OR5AN1: variants seen among roughly 807,000 people sequenced by gnomAD.
The protein encoded by OR5AN1 is olfactory receptor family 5 subfamily AN member 1, also known as olfactory receptor 5AN1.
For missense variants in OR5AN1, 476 were observed against 368.9 expected (o/e 1.29, Z -2.38); for synonymous variants, 167 against 131.8 (o/e 1.27, Z -1.83).
rs929902963 is a variant in OR5AN1, at chr11:59,370,220, C to T, written c.*4826C>T. The T allele has an allele frequency of 2.6e-5, 4 of 152,134 alleles. No homozygotes were observed. Among genetic ancestry groups the T allele is most frequent in the African/African-American group, 9.7e-5 (4 of 41,416 alleles). 9.4% of individuals were successfully genotyped at this position (152,134 alleles called of 1,614,324 possible). On this transcript the variant is annotated 3_prime_UTR_variant, in exon 2 of 2. Transcript: ENST00000641998. ...CACACAAACAAGTAAACATAATAAC[C>T]AGCTGACAGCACAATGACAGAATCA...
rs750154941 is a variant in OR5AN1 at position 59,364,875 on chromosome 11, C to T, written c.417C>T (p.Pro139=). 1.4e-5 allele frequency: 22 copies of T among 1,613,840 alleles called. No individual in the cohort carries two copies. Among genetic ancestry groups the T allele is most frequent in the Admixed American group, 1.7e-5 (1 of 59,998 alleles). The part of the protein sequence containing the change: ...NPLLYSSIMS[P]TLCVWMVLGA... The stretch of plus-strand genomic sequence containing the variant: ...TGCTCTATTCATCCATCATGTCACC[C>T]ACCCTCTGTGTTTGGATGGTACTGG... Residue 139 remains proline (P), a synonymous_variant, in exon 2 of 2, where the codon CCC becomes CCT. Coordinates refer to ENST00000641998, the MANE Select transcript of OR5AN1 (RefSeq NM_001004729.2).
intron 1 of OR5AN1, among the ~76,000 whole-genome samples, chr11:59,363,602 A>G (rs1857489017): frequency 6.6e-6 from 1 of 152,236 alleles, no homozygotes; most frequent in South Asian, 2.1e-4. Flanking sequence ...ATGTTATATT[A>G]AATACATTTT....
In OR5AN1 at chr11:59,364,972, T is replaced by A. The variant is rs762633727; in HGVS notation, c.514T>A (p.Ser172Thr). ...TTTGCTTCAACTCCACTTCTGTGGGTCTAATGTCATCAGACATTTCTTCTG... is the reference window on the plus strand; with the variant it reads ...TTTGCTTCAACTCCACTTCTGTGGGACTAATGTCATCAGACATTTCTTCTG... Reference protein sequence around the residue: ...GALLQLHFCGSNVIRHFFCDM... With the variant: ...GALLQLHFCGTNVIRHFFCDM... The change falls in exon 2 of 2, where the codon TCT (serine) becomes ACT (threonine). Residue 172 changes from serine (S) to threonine (T), a missense_variant. Transcript: ENST00000641998. The A allele has an allele frequency of 4.3e-6, 7 of 1,614,178 alleles. No homozygotes were observed. Among genetic ancestry groups the A allele is most frequent in the Middle Eastern group, 1.7e-4 (1 of 6,060 alleles).
intron 1 of OR5AN1, among the ~76,000 whole-genome samples, chr11:59,363,650 A>C (rs73480614): frequency 6.6e-6 from 1 of 152,232 alleles, no homozygotes; most frequent in Admixed American, 6.5e-5. Flanking sequence ...CAGGGAAAGC[A>C]ATTTTTCTAA....
At chr11:59,360,982 C>G (rs773836823) in intron 1 of OR5AN1, among the ~76,000 whole-genome samples, 1 of 152,162 alleles carries the variant, frequency 6.6e-6, no homozygotes, top group African/African-American at 2.4e-5. Flanking sequence ...ATTAAGTAAC[C>G]AAACGTCTCT....
chr11:59,359,959 C>T (rs189002856), intron 1 of OR5AN1: 5 of 152,290 alleles, frequency 3.3e-5, no homozygotes, highest in Non-Finnish European at 2.9e-5. Context: ...AATCTTTAAC[C>T]TATCTTTACA....
Position 59,365,499 on chromosome 11 carries a change from C to A in OR5AN1, c.*105C>A. Reference sequence around the variant, plus strand: ...ATAACAAAATTCATGCTGCCTACTGCCTTTGGACAAAGAAGGCTTGATTTG... The same window carrying A: ...ATAACAAAATTCATGCTGCCTACTGACTTTGGACAAAGAAGGCTTGATTTG... On this transcript the variant is annotated 3_prime_UTR_variant, in exon 2 of 2. Transcript: ENST00000641998. The A allele has an allele frequency of 1.4e-6, 1 of 700,674 alleles. No homozygotes were observed. Among genetic ancestry groups the A allele is most frequent in the Non-Finnish European group, 2.3e-6 (1 of 428,890 alleles). 43.4% of individuals were successfully genotyped at this position (700,674 alleles called of 1,614,324 possible).
At chr11:59,362,118 C>T (rs560698622) in intron 1 of OR5AN1, among the ~76,000 whole-genome samples, 1 of 152,156 alleles carries the variant, frequency 6.6e-6, no homozygotes, top group African/African-American at 2.4e-5. Context: ...ACCTTGTGCA[C>T]TCATCAGTGG....
intron 1 of OR5AN1, among the ~76,000 whole-genome samples, chr11:59,361,724 A>G (rs1464016917): frequency 1.3e-5 from 2 of 152,200 alleles, no homozygotes; most frequent in African/African-American, 4.8e-5. Flanking sequence ...ACAGCCTGCA[A>G]GTAAGATTCA....
chr11:59,362,721 A>G (rs1857477379), intron 1 of OR5AN1, among the ~76,000 whole-genome samples: 1 of 152,216 alleles, frequency 6.6e-6, no homozygotes, highest in South Asian at 2.1e-4. Flanking sequence ...AATGTACACT[A>G]TCTATGCATA....
Position 59,365,203 on chromosome 11 carries a change from GT to G in OR5AN1, c.748del (p.Ser250ProfsTer12). On this transcript the variant is annotated frameshift_variant, in exon 2 of 2. Transcript: ENST00000641998. LOFTEE classifies it low-confidence loss of function (END_TRUNC). ...CACCTGTGCTTCTCATCTAACAGCT[GT>G]TTCCCTCTTCTATACATCAGGAATC... ...FNTCASHLTA[V>X]SLFYTSGIFV... is the part of the protein sequence containing the mutation. 6.2e-7 allele frequency: 1 copy of G among 1,614,040 alleles called. No individual in the cohort carries two copies. The highest frequency in any genetic ancestry group is 8.5e-7 in the Non-Finnish European group (1 of 1,179,984).
rs1565053556 is a variant in OR5AN1, at chr11:59,365,233, G to T, written c.775G>T (p.Val259Phe). ...CCTCTTCTATACATCAGGAATCTTT[G>T]TCTATTTGAGTTCCAGCTCTGGAGG... ...VSLFYTSGIF[V>F]YLSSSSGGSS... Residue 259 changes from valine (V) to phenylalanine (F), a missense_variant, in exon 2 of 2, where the codon GTC (valine) becomes TTC (phenylalanine). Val to Phe is a conservative substitution (Grantham distance 50, BLOSUM62 -1). Coordinates refer to ENST00000641998, the MANE Select transcript of OR5AN1 (RefSeq NM_001004729.2). 2 of 1,614,030 alleles carry T rather than the reference G, an allele frequency of 1.2e-6. No individual in the cohort carries two copies. The highest frequency in any genetic ancestry group is 8.5e-7 in the Non-Finnish European group (1 of 1,179,980).
Position 59,368,999 on chromosome 11 carries a change from A to AC in OR5AN1, c.*3605_*3606insC, listed in dbSNP as rs1857564535. ...ATCACACCTCAAAACTTCAACACCA[A>AC]AAATATCTCACTAATATATCCCCCT... On this transcript the variant is annotated 3_prime_UTR_variant, in exon 2 of 2. Coordinates refer to ENST00000641998, the MANE Select transcript of OR5AN1 (RefSeq NM_001004729.2). 1 of 152,192 alleles carries AC rather than the reference A, an allele frequency of 6.6e-6. No homozygotes were observed. The highest frequency in any genetic ancestry group is 2.4e-5 in the African/African-American group (1 of 41,422). The allele number at this position is 152,192 out of a possible 1,614,324, so 9.4% of individuals were successfully genotyped here.
chr11:59,363,230 A>G (rs940353601), intron 1 of OR5AN1, among the ~76,000 whole-genome samples: 1 of 152,210 alleles, frequency 6.6e-6, no homozygotes, highest in Non-Finnish European at 1.5e-5. Context: ...TTTTGCATGA[A>G]TTTTCACTTA....
chr11:59,365,220 A>C lies in OR5AN1; in HGVS notation c.762A>C (p.Thr254=), dbSNP rs1565053550. ...SHLTAVSLFY[T]SGIFVYLSSS... ...TAACAGCTGTTTCCCTCTTCTATAC[A>C]TCAGGAATCTTTGTCTATTTGAGTT... Residue 254 remains threonine (T), a synonymous_variant, in exon 2 of 2, where the codon ACA becomes ACC. Coordinates refer to ENST00000641998, the MANE Select transcript of OR5AN1 (RefSeq NM_001004729.2). 6.2e-7 allele frequency: 1 copy of C among 1,614,064 alleles called. No homozygotes were observed. Among genetic ancestry groups the C allele is most frequent in the Non-Finnish European group, 8.5e-7 (1 of 1,179,962 alleles).
chr11:59,369,619 A>G lies in OR5AN1; in HGVS notation c.*4225A>G, dbSNP rs781499131. 4 of 152,234 alleles carry G rather than the reference A, an allele frequency of 2.6e-5. No individual in the cohort carries two copies. Among genetic ancestry groups the G allele is most frequent in the Non-Finnish European group, 4.4e-5 (3 of 68,036 alleles). 9.4% of individuals were successfully genotyped at this position (152,234 alleles called of 1,614,324 possible). ...CCTCCAAGAAGTATGGGTTATGTAA[A>G]CAGGCCAAATCTACAAGTAATTGAC... On this transcript the variant is annotated 3_prime_UTR_variant, in exon 2 of 2. Coordinates refer to ENST00000641998, the MANE Select transcript of OR5AN1 (RefSeq NM_001004729.2).
chr11:59,359,877 C>A (rs1857445264), intron 1 of OR5AN1: 2 of 152,184 alleles, frequency 1.3e-5, no homozygotes, highest in Non-Finnish European at 2.9e-5. Context: ...CCCTGCACAA[C>A]TTTGCAAACT....
At position 59,365,203 on chromosome 11, in the gene OR5AN1, G is replaced by A. The variant is rs773925260; in HGVS notation, c.745G>A (p.Val249Ile). ...FNTCASHLTA[V>I]SLFYTSGIFV... is the part of the protein sequence containing the mutation. ...CACCTGTGCTTCTCATCTAACAGCTGTTTCCCTCTTCTATACATCAGGAAT... is the reference window on the plus strand; with the variant it reads ...CACCTGTGCTTCTCATCTAACAGCTATTTCCCTCTTCTATACATCAGGAAT... The change falls in exon 2 of 2, where the codon GTT becomes ATT. Residue 249 changes from valine (V) to isoleucine (I), a missense_variant. Physicochemically the swap from Val to Ile is conservative, Grantham distance 29 (BLOSUM62 3). Coordinates refer to ENST00000641998, the MANE Select transcript of OR5AN1 (RefSeq NM_001004729.2). 1.2e-6 allele frequency: 2 copies of A among 1,614,042 alleles called. No individual in the cohort carries two copies. Among genetic ancestry groups the A allele is most frequent in the Non-Finnish European group, 1.7e-6 (2 of 1,179,986 alleles).
intron 1 of OR5AN1, 79 bp from the exon 2 acceptor site, chr11:59,364,367 A>T: frequency 1.2e-6 from 1 of 820,218 alleles, no homozygotes; most frequent in Non-Finnish European, 1.9e-6. Context: ...GGAAGAAAAG[A>T]TGTACACATA....
Sources: gnomAD v4.1 joint callset for allele counts (sites outside exome capture counted in the v4.1 genomes callset) on GRCh38, gnomAD v4.1.1 for gene constraint, MANE v1.5 for transcripts, NCBI Gene and HGNC (gene_info 2026-07-23, HGNC 2026-07-21) for gene names.